The following PPEF2 variants were observed in gnomAD, a reference collection of about 807,000 sequenced individuals.
PPEF2 encodes the protein serine/threonine-protein phosphatase with EF-hands 2.
PPEF2 carries 84 observed loss-of-function variants against 84.7 expected under a neutral mutation model. That is an observed-to-expected ratio of 0.99 (90% confidence interval 0.83 to 1.19). PPEF2 has a LOEUF of 1.19. Ranked by LOEUF, PPEF2 falls within the 50% of genes most tolerant of loss-of-function variation. The pLI is 0.00. For synonymous variants in PPEF2, 346 were observed against 345.2 expected (o/e 1.00, Z -0.03); for missense variants, 924 against 937.5 (o/e 0.99, Z 0.19).
chr4:75,890,079 T>A lies in PPEF2; in HGVS notation c.295A>T (p.Met99Leu), dbSNP rs943252690. ...TEDRFAQDSE[M>L]KKCSDYESIE... is the part of the protein sequence containing the mutation. The stretch of plus-strand genomic sequence containing the variant: ...GATTCATAGTCACTGCATTTCTTCA[T>A]CTCGGAGTCCTGGGCGAATCTGTCC... Residue 99 changes from methionine to leucine, a missense_variant, in exon 5 of 17, where the codon ATG becomes TTG. Coordinates refer to ENST00000286719, the MANE Select transcript of PPEF2 (RefSeq NM_006239.3). 2 of 1,614,072 alleles carry A rather than the reference T, an allele frequency of 1.2e-6. No homozygotes were observed. Among genetic ancestry groups the A allele is most frequent in the Admixed American group, 3.3e-5 (2 of 60,014 alleles).
At chr4:75,890,599 C>G (rs1472714061) in intron 4 of PPEF2, among the ~76,000 whole-genome samples, 1 of 151,650 alleles carries the variant, frequency 6.6e-6, no homozygotes, top group Non-Finnish European at 1.5e-5. Flanking sequence ...AAAGTGACAA[C>G]AGTCTAGGAT....
chr4:75,867,298 C>T lies in PPEF2; in HGVS notation c.1756+15G>A. On this transcript the variant is annotated intron_variant, in intron 14 of 16. Coordinates refer to ENST00000286719, the MANE Select transcript of PPEF2 (RefSeq NM_006239.3). ...GCTTCCTTCCTCTGTGAATCTTTAA[C>T]TTGATCATTCTTACCGACTTTATCT... is the stretch of plus-strand genomic sequence containing the variant. 6.3e-7 allele frequency: 1 copy of T among 1,593,084 alleles called. No individual in the cohort carries two copies. The highest frequency in any genetic ancestry group is 1.3e-5 in the African/African-American group (1 of 74,254).
chr4:75,869,526 ACT>A, intron 13 of PPEF2, among the ~76,000 whole-genome samples: 1 of 151,986 alleles, frequency 6.6e-6, no homozygotes, highest in African/African-American at 2.4e-5. Flanking sequence ...AAGTAAATGG[ACT>A]CTGACTGAGG....
intron 10 of PPEF2, among the ~76,000 whole-genome samples, chr4:75,880,803 A>T (rs1277365635): frequency 6.9e-4 from 15 of 21,652 alleles, no homozygotes; most frequent in Admixed American, 3.4e-3. Context: ...CCCTATAAAT[A>T]CTTTTTTTTT....
intron 1 of PPEF2, among the ~76,000 whole-genome samples, chr4:75,896,941 GTGGCACAATCT>G (rs1725023772): frequency 6.6e-6 from 1 of 151,994 alleles, no homozygotes; most frequent in South Asian, 2.1e-4. Context: ...GAGTAGTGCA[GTGGCACAATCT>G]TGGCTCCCTG....
chr4:75,899,218 C>T (rs1240123944), intron 1 of PPEF2, among the ~76,000 whole-genome samples: 1 of 152,168 alleles, frequency 6.6e-6, no homozygotes, highest in Non-Finnish European at 1.5e-5. Flanking sequence ...AATAGTATTC[C>T]ACTGTACATA....
chr4:75,866,460 G>A (rs932246643), intron 14 of PPEF2, 108 bp from the exon 15 acceptor site: 38 of 1,349,260 alleles, frequency 2.8e-5, no homozygotes, highest in Non-Finnish European at 3.6e-5. Context: ...GCAGGTAATA[G>A]AAATAATGGG....
intron 15 of PPEF2, among the ~76,000 whole-genome samples, chr4:75,864,738 A>G (rs1454323022): frequency 6.6e-6 from 1 of 152,084 alleles, no homozygotes; most frequent in Non-Finnish European, 1.5e-5. Context: ...TCTAAAATTG[A>G]CTGGTGATGG....
chr4:75,883,897 G>A (rs1724646500), intron 8 of PPEF2, among the ~76,000 whole-genome samples: 1 of 151,760 alleles, frequency 6.6e-6, no homozygotes, highest in Non-Finnish European at 1.5e-5. Flanking sequence ...CGGGAGGCTG[G>A]GACGGGTGTA....
chr4:75,879,641 C>A (rs1490721048), intron 10 of PPEF2, among the ~76,000 whole-genome samples: 1 of 151,996 alleles, frequency 6.6e-6, no homozygotes, highest in Non-Finnish European at 1.5e-5. Flanking sequence ...ACAATCAGAA[C>A]TGATATTCTT....
At chr4:75,883,383 G>T (rs1231179401) in intron 8 of PPEF2, 181 bp from the exon 9 acceptor site, 8 of 592,766 alleles carry the variant, frequency 1.3e-5, no homozygotes, top group South Asian at 2.3e-5. Context: ...AGAAATTATG[G>T]GATATTTTAA....
chr4:75,861,899 G>A (rs999731055), intron 16 of PPEF2, among the ~76,000 whole-genome samples: 16 of 150,596 alleles, frequency 1.1e-4, no homozygotes, highest in African/African-American at 3.9e-4. Context: ...GTGAGCCACC[G>A]TGACTAGCCT....
At chr4:75,893,646 G>A (rs1724943282) in intron 2 of PPEF2, among the ~76,000 whole-genome samples, 1 of 152,314 alleles carries the variant, frequency 6.6e-6, no homozygotes, top group East Asian at 1.9e-4. Context: ...TGGAATCCAG[G>A]AAGGAATCTG....
chr4:75,861,898 C>T (rs62321578), intron 16 of PPEF2, among the ~76,000 whole-genome samples: 148,471 of 149,846 alleles, frequency 0.99, 73,571 homozygotes, highest in Non-Finnish European at 1. Flanking sequence ...CGTGAGCCAC[C>T]GTGACTAGCC....
chr4:75,888,281 T>A lies in PPEF2; in HGVS notation c.465A>T (p.Lys155Asn). 1.2e-6 allele frequency: 2 copies of A among 1,614,050 alleles called. No individual in the cohort carries two copies. The highest frequency in any genetic ancestry group is 1.7e-6 in the Non-Finnish European group (2 of 1,179,968). ...TGATGTTTGGCAGCTGTACCAGATGTTTCTTGGTTTCATACAAAAGGTTCA... is the reference window on the plus strand; with the variant it reads ...TGATGTTTGGCAGCTGTACCAGATGATTCTTGGTTTCATACAAAAGGTTCA... ...YVLNLLYETK[K>N]HLVQLPNINR... The change falls in exon 6 of 17, where the codon AAA (lysine) becomes AAT (asparagine). Residue 155 changes from lysine (K) to asparagine (N), a missense_variant. Coordinates refer to ENST00000286719, the MANE Select transcript of PPEF2 (RefSeq NM_006239.3).
intron 1 of PPEF2, among the ~76,000 whole-genome samples, chr4:75,897,937 C>G (rs1387340710): frequency 1.3e-5 from 2 of 152,166 alleles, no homozygotes; most frequent in African/African-American, 2.4e-5. Flanking sequence ...GCCTTCAGAG[C>G]TGAGAGCCCT....
intron 10 of PPEF2, among the ~76,000 whole-genome samples, chr4:75,876,919 G>A (rs550522152): frequency 3.6e-4 from 54 of 148,916 alleles, no homozygotes; most frequent in African/African-American, 1.3e-3. Context: ...GAGGTGGGAG[G>A]ATCACTTGAG....
intron 8 of PPEF2, among the ~76,000 whole-genome samples, chr4:75,884,259 T>C (rs960510454): frequency 1.3e-5 from 2 of 151,944 alleles, no homozygotes; most frequent in Admixed American, 6.6e-5. Context: ...GGTGAAGCCC[T>C]GTCTCTAATA....
At chr4:75,885,014 A>C (rs1171028828) in intron 7 of PPEF2, among the ~76,000 whole-genome samples, 2 of 152,122 alleles carry the variant, frequency 1.3e-5, no homozygotes, top group African/African-American at 4.8e-5. Flanking sequence ...TGTGGAGCAA[A>C]GGGCACCAAA....
Sources: allele counts gnomAD v4.1 joint callset (sites outside exome capture counted in the v4.1 genomes callset), GRCh38; gene constraint gnomAD v4.1.1; transcripts MANE v1.5; gene names NCBI Gene and HGNC (gene_info 2026-07-23, HGNC 2026-07-21).